VWA3B: variants seen among roughly 807,000 people sequenced by gnomAD.
VWA3B encodes the protein von Willebrand factor A domain-containing protein 3B.
VWA3B carries 138 observed loss-of-function variants against 158.3 expected under a neutral mutation model. The ratio of observed to expected loss-of-function variants is 0.87; its 90% CI spans 0.76 to 1.00. The LOEUF (loss-of-function observed/expected upper bound fraction) is 1.00, where lower values mean the gene tolerates loss of function less well. Ranked by LOEUF, VWA3B falls within the 50% of genes least tolerant of loss-of-function variation. The probability of loss-of-function intolerance (pLI) is 0.00; values close to 1 mark genes in which losing one functional copy is unlikely to be tolerated. For synonymous variants in VWA3B, 596 were observed against 587.3 expected, an observed-to-expected ratio of 1.01 and a Z score of -0.21; for missense variants, 1,555 against 1,565.1, an observed-to-expected ratio of 0.99 and a Z score of 0.11.
chr2:98,202,294 T>C (rs1320579643), intron 12 of VWA3B, among the ~76,000 whole-genome samples: 1 of 152,218 alleles, frequency 6.6e-6, no homozygotes, highest in African/African-American at 2.4e-5. Flanking sequence ...TTTATGAGCA[T>C]AGAATTGCTC....
rs1309433770 is a variant in VWA3B at position 98,265,131 on chromosome 2, G to A, written c.2844-5551G>A. 2.0e-5 allele frequency among the ~76,000 whole-genome samples: 3 copies of A among 151,096 alleles called. No homozygotes were observed. The East Asian group carries it at 5.8e-4, about 29-fold the overall frequency. On this transcript the variant is annotated intron_variant, in intron 21 of 27. Transcript: ENST00000477737. ...ATATGTATACATGTGCCATGCTGGT[G>A]CGCTGCACCCACTAACTCATCATCT... is the stretch of plus-strand genomic sequence containing the variant.
chr2:98,279,559 A>T (rs770059189), intron 22 of VWA3B, among the ~76,000 whole-genome samples: 3 of 152,210 alleles, frequency 2.0e-5, no homozygotes, highest in Non-Finnish European at 4.4e-5. Context: ...ATTCAGCACA[A>T]GTGAAGAAAC....
intron 12 of VWA3B, among the ~76,000 whole-genome samples, chr2:98,201,527 G>C (rs1367785387): frequency 6.6e-6 from 1 of 152,162 alleles, no homozygotes; most frequent in African/African-American, 2.4e-5. Flanking sequence ...ATGTTTAACA[G>C]GAGTGGTGAG....
Position 98,133,945 on chromosome 2 carries a change from T to A in VWA3B, c.988+6T>A, listed in dbSNP as rs764938526. The A allele has an allele frequency of 6.2e-7, 1 of 1,612,904 alleles. No individual in the cohort carries two copies. Among genetic ancestry groups the A allele is most frequent in the Admixed American group, 1.7e-5 (1 of 60,028 alleles). ...GAAAGGAAAACTCCCTCCAGGTACCTGGAATCCAAAAGAAGTGGTGTAGCT... is the reference window on the plus strand; with the variant it reads ...GAAAGGAAAACTCCCTCCAGGTACCAGGAATCCAAAAGAAGTGGTGTAGCT... On this transcript the variant is annotated splice_donor_region_variant and intron_variant, in intron 7 of 27. Coordinates refer to ENST00000477737, the MANE Select transcript of VWA3B (RefSeq NM_144992.5).
Position 98,228,455 on chromosome 2 carries a change from G to A in VWA3B, c.2150+123G>A, listed in dbSNP as rs80013524. On this transcript the variant is annotated intron_variant, in intron 15 of 27. Coordinates refer to ENST00000477737, the MANE Select transcript of VWA3B (RefSeq NM_144992.5). ...TTCTTTTAGTGAAAAGAATCACGTA[G>A]TGTGATTAAGTTAGGATTTTTTTAA... The A allele has an allele frequency of 0.063, 74,021 of 1,172,704 alleles. 3,949 individuals are homozygous for A. Among genetic ancestry groups the A allele is most frequent in the Admixed American group, 0.28 (9,693 of 34,158 alleles). 72.6% of individuals were successfully genotyped at this position (1,172,704 alleles called of 1,614,324 possible). A position where few individuals can be genotyped will look rare whatever the true frequency, so the allele number is the denominator to read the frequency against.
intron 7 of VWA3B, 132 bp downstream of exon 7, chr2:98,134,071 A>G: frequency 1.4e-6 from 1 of 740,068 alleles, no homozygotes; most frequent in South Asian, 1.7e-5. Context: ...GTAGTGCAAG[A>G]GCAGAGTTAA....
At chr2:98,278,483 A>G (rs1688664519) in intron 22 of VWA3B, among the ~76,000 whole-genome samples, 1 of 152,220 alleles carries the variant, frequency 6.6e-6, no homozygotes, top group Admixed American at 6.5e-5. Flanking sequence ...AGGTCACACG[A>G]ACAAATTGAA....
intron 6 of VWA3B, among the ~76,000 whole-genome samples, chr2:98,133,158 C>T: frequency 6.6e-6 from 1 of 152,238 alleles, no homozygotes; most frequent in East Asian, 1.9e-4. Context: ...ATGTGTCTGT[C>T]AGCCCCCTGG....
At chr2:98,099,021 TTA>T in intron 2 of VWA3B, among the ~76,000 whole-genome samples, 1 of 152,242 alleles carries the variant, frequency 6.6e-6, no homozygotes, top group Admixed American at 6.5e-5. Flanking sequence ...TTGATATGAT[TTA>T]TATCTTTTTC....
At chr2:98,175,555 A>G (rs1679943580) in intron 8 of VWA3B, among the ~76,000 whole-genome samples, 1 of 152,244 alleles carries the variant, frequency 6.6e-6, no homozygotes, top group Admixed American at 6.5e-5. Context: ...AATGAAAAAA[A>G]CCAAACAGAG....
chr2:98,218,170 T>A, intron 14 of VWA3B, 142 bp downstream of exon 14: 1 of 911,878 alleles, frequency 1.1e-6, no homozygotes, highest in Non-Finnish European at 1.6e-6. Context: ...ACAATGAGTG[T>A]ACCAGTGTTT....
chr2:98,090,228 C>T (rs940254758), intron 1 of VWA3B, among the ~76,000 whole-genome samples: 5 of 152,226 alleles, frequency 3.3e-5, no homozygotes, highest in Admixed American at 6.5e-5. Flanking sequence ...TGGATAGATC[C>T]TCAAAAACAA....
At position 98,119,666 on chromosome 2, in the gene VWA3B, G is replaced by A. The variant is rs780230958; in HGVS notation, c.445G>A (p.Gly149Ser). ...GTGCGTCACCATAGTGCTGGATTTTGGCGGCATTCTGGAGGGGGAGCTTGA... is the reference window on the plus strand; with the variant it reads ...GTGCGTCACCATAGTGCTGGATTTTAGCGGCATTCTGGAGGGGGAGCTTGA... ...EQCVTIVLDF[G>S]GILEGELDLC... Residue 149 changes from glycine (G) to serine (S), a missense_variant, in exon 4 of 28, where the codon GGC becomes AGC. Coordinates refer to ENST00000477737, the MANE Select transcript of VWA3B (RefSeq NM_144992.5). 2 of 1,613,994 alleles carry A rather than the reference G, an allele frequency of 1.2e-6. No homozygotes were observed. Among genetic ancestry groups the A allele is most frequent in the African/African-American group, 2.7e-5 (2 of 74,888 alleles).
intron 7 of VWA3B, among the ~76,000 whole-genome samples, chr2:98,144,407 C>T (rs1677014961): frequency 6.6e-6 from 1 of 151,432 alleles, no homozygotes; most frequent in Non-Finnish European, 1.5e-5. Flanking sequence ...AGTTCTATCA[C>T]TAAATATATT....
At chr2:98,163,265 C>T (rs892895478) in intron 8 of VWA3B, among the ~76,000 whole-genome samples, 5 of 152,250 alleles carry the variant, frequency 3.3e-5, no homozygotes, top group East Asian at 1.9e-4. Flanking sequence ...TTGGGCCGGG[C>T]GCGGTGGCTC....
At chr2:98,297,197 T>C (rs951816485) in intron 23 of VWA3B, among the ~76,000 whole-genome samples, 3 of 152,086 alleles carry the variant, frequency 2.0e-5, no homozygotes, top group Non-Finnish European at 4.4e-5. Flanking sequence ...TTCTCCTGCC[T>C]CAGCCTCCCG....
intron 22 of VWA3B, among the ~76,000 whole-genome samples, chr2:98,278,746 A>G (rs1688684098): frequency 6.6e-6 from 1 of 152,100 alleles, no homozygotes; most frequent in East Asian, 1.9e-4. Flanking sequence ...TTATGGGTAC[A>G]GGATGGGGGG....
At chr2:98,144,697 G>A (rs1677038227) in intron 7 of VWA3B, among the ~76,000 whole-genome samples, 1 of 151,880 alleles carries the variant, frequency 6.6e-6, no homozygotes, top group Non-Finnish European at 1.5e-5. Context: ...CTCCCAAATA[G>A]CTGGGCTTAC....
At chr2:98,124,778 G>GA (rs1347922441) in intron 5 of VWA3B, among the ~76,000 whole-genome samples, 2 of 152,222 alleles carry the variant, frequency 1.3e-5, no homozygotes, top group Non-Finnish European at 2.9e-5. Flanking sequence ...AGGGCAGTCA[G>GA]AGTAGAAGCA....
Sources: gnomAD v4.1 joint callset for allele counts (sites outside exome capture counted in the v4.1 genomes callset) on GRCh38, gnomAD v4.1.1 for gene constraint, MANE v1.5 for transcripts, NCBI Gene and HGNC (gene_info 2026-07-23, HGNC 2026-07-21) for gene names.